The following SULF1 variants were observed in gnomAD, a reference collection of about 807,000 sequenced individuals.
The protein encoded by SULF1 is extracellular sulfatase Sulf-1.
In SULF1, 46 loss-of-function variants were observed where a neutral mutation model predicts 110.5. The observed-to-expected ratio is 0.42, with a 90% CI of 0.33 to 0.53. SULF1 has a LOEUF of 0.53. Among genes scored for constraint, SULF1 ranks in the 20% least tolerant of loss-of-function variants. The pLI is 0.12. For synonymous variants in SULF1, 371 were observed against 387.1 expected, an observed-to-expected ratio of 0.96 and a Z score of 0.49; for missense variants, 941 against 1,094.2, an observed-to-expected ratio of 0.86 and a Z score of 1.98.
intron 3 of SULF1, among the ~76,000 whole-genome samples, chr8:69,541,608 GA>G (rs1387806642): frequency 9.9e-5 from 15 of 152,218 alleles, no homozygotes; most frequent in Middle Eastern, 3.2e-3. Context: ...AGTAATCTCT[GA>G]ACATGTATTT....
chr8:69,589,268 A>G (rs2130287881), intron 8 of SULF1, 127 bp downstream of exon 8: 1 of 1,000,988 alleles, frequency 1.0e-6, no homozygotes, highest in Non-Finnish European at 1.4e-6. Flanking sequence ...ATGAAAGGAT[A>G]ACTTAAGAGC....
intron 14 of SULF1, among the ~76,000 whole-genome samples, 177 bp from the exon 15 acceptor site, chr8:69,623,765 A>T (rs1195278608): frequency 8.2e-6 from 1 of 121,350 alleles, no homozygotes; most frequent in African/African-American, 2.9e-5. Flanking sequence ...ACTGCCAGGC[A>T]ATGGCACTGC....
In SULF1 at chr8:69,576,176, G is replaced by A; in HGVS notation, c.379G>A (p.Ala127Thr). ...WQAMHEPRTF[A>T]VYLNNTGYRT... Reference sequence around the variant, plus strand: ...GGCCATGCATGAGCCTCGGACTTTTGCTGTATATCTTAACAACACTGGCTA... The same window carrying A: ...GGCCATGCATGAGCCTCGGACTTTTACTGTATATCTTAACAACACTGGCTA... Residue 127 changes from alanine (A) to threonine (T), a missense_variant, in exon 6 of 23, where the codon GCT becomes ACT. Ala to Thr is a moderately conservative substitution (Grantham distance 58). Coordinates refer to ENST00000402687, the MANE Select transcript of SULF1 (RefSeq NM_001128205.2). The A allele has an allele frequency of 6.2e-7, 1 of 1,614,124 alleles. No homozygotes were observed.
chr8:69,524,397 C>A (rs1812524403), intron 3 of SULF1, among the ~76,000 whole-genome samples: 1 of 152,070 alleles, frequency 6.6e-6, no homozygotes, highest in Non-Finnish European at 1.5e-5. Flanking sequence ...AGGGAGCAAG[C>A]AGTTCACATG....
At chr8:69,504,546 C>T (rs1811048173) in intron 3 of SULF1, among the ~76,000 whole-genome samples, 1 of 152,102 alleles carries the variant, frequency 6.6e-6, no homozygotes, top group Non-Finnish European at 1.5e-5. Context: ...CAGAGCAAGA[C>T]TCTGTCTCTG....
At chr8:69,501,852 A>G (rs916668754) in intron 2 of SULF1, 22 bp from the exon 3 acceptor site, 2 of 152,190 alleles carry the variant, frequency 1.3e-5, no homozygotes, top group African/African-American at 2.4e-5. Context: ...ACTGATGGCA[A>G]TTTTGCTCTT....
At chr8:69,606,383 ATAT>A (rs377747653) in intron 13 of SULF1, among the ~76,000 whole-genome samples, 170 of 152,292 alleles carry the variant, frequency 1.1e-3, no homozygotes, top group African/African-American at 3.7e-3. Context: ...AAACCTCCAA[ATAT>A]TATTATGAAT....
chr8:69,511,941 C>A (rs1438540521), intron 3 of SULF1, among the ~76,000 whole-genome samples: 1 of 152,016 alleles, frequency 6.6e-6, no homozygotes, highest in Non-Finnish European at 1.5e-5. Context: ...TAGCATCCTG[C>A]CCTTCTATTT....
At chr8:69,562,876 C>T (rs1815601404) in intron 3 of SULF1, 1 of 152,912 alleles carries the variant, frequency 6.5e-6, no homozygotes, top group Admixed American at 6.5e-5. Context: ...AGAGGGGGCT[C>T]TGTCCACGTA....
chr8:69,474,861 T>C (rs145843281), intron 1 of SULF1, among the ~76,000 whole-genome samples: 54 of 152,278 alleles, frequency 3.5e-4, no homozygotes, highest in African/African-American at 1.3e-3. Flanking sequence ...TAAAATAAGA[T>C]GCTTAACACA....
rs531903503 is a variant in SULF1 at position 69,583,264 on chromosome 8, T to TA, written c.413-3087dup. On this transcript the variant is annotated intron_variant, in intron 6 of 22. Transcript: ENST00000402687. ...AATGTTTTGAAGGCCAAATCAGCTT[T>TA]AAAAAATATGATGATTTGATTGGGC... Among the ~76,000 whole-genome samples, 342 of 152,244 alleles carry TA rather than the reference T, an allele frequency of 2.2e-3. 2 individuals carry two copies. The highest frequency in any genetic ancestry group is 7.9e-3 in the African/African-American group (327 of 41,534).
chr8:69,513,188 T>C (rs545806028), intron 3 of SULF1, among the ~76,000 whole-genome samples: 2 of 152,384 alleles, frequency 1.3e-5, no homozygotes, highest in East Asian at 3.9e-4. Flanking sequence ...ACACTGAGCT[T>C]TGTGAACTGC....
chr8:69,624,280 C>CA (rs113807970), intron 15 of SULF1, 83 bp downstream of exon 15: 142,085 of 1,501,714 alleles, frequency 0.095, 7,738 homozygotes, highest in South Asian at 0.19. Context: ...TTGCACTTGG[C>CA]AAAAAAGCAG....
At chr8:69,622,049 G>C (rs377395936) in intron 14 of SULF1, among the ~76,000 whole-genome samples, 1 of 152,204 alleles carries the variant, frequency 6.6e-6, no homozygotes, top group Non-Finnish European at 1.5e-5. Flanking sequence ...CTGAGAACAG[G>C]CATTTTTATT....
chr8:69,588,344 G>T (rs1806619478), intron 7 of SULF1, among the ~76,000 whole-genome samples: 1 of 152,200 alleles, frequency 6.6e-6, no homozygotes, highest in Non-Finnish European at 1.5e-5. Context: ...CTATTCAAGT[G>T]TTTCAAGTAA....
intron 3 of SULF1, among the ~76,000 whole-genome samples, chr8:69,534,978 T>C (rs1381862256): frequency 2.6e-5 from 4 of 152,214 alleles, no homozygotes; most frequent in African/African-American, 9.6e-5. Flanking sequence ...AATTAGAATT[T>C]TGCATGATAT....
chr8:69,560,101 G>A (rs990383943), intron 3 of SULF1, among the ~76,000 whole-genome samples: 3 of 152,116 alleles, frequency 2.0e-5, no homozygotes, highest in South Asian at 2.1e-4. Flanking sequence ...TCCTCCAAAC[G>A]TCCCAAACTA....
At chr8:69,624,957 A>C (rs563372627) in intron 15 of SULF1, among the ~76,000 whole-genome samples, 59 of 152,330 alleles carry the variant, frequency 3.9e-4, no homozygotes, top group Admixed American at 2.2e-3. Context: ...GTGCTCTGCC[A>C]GGATTTTTAT....
upstream of SULF1, among the ~76,000 whole-genome samples, chr8:69,490,894 G>T (rs1809907686): frequency 6.6e-6 from 1 of 152,164 alleles, no homozygotes; most frequent in Admixed American, 6.5e-5. Context: ...TATAATAAAG[G>T]TTATGGTCCT....
Sources: allele counts gnomAD v4.1 joint callset (sites outside exome capture counted in the v4.1 genomes callset), GRCh38; gene constraint gnomAD v4.1.1; transcripts MANE v1.5; gene names NCBI Gene and HGNC (gene_info 2026-07-23, HGNC 2026-07-21).